Variants in RIC8B observed in about 807,000 individuals in gnomAD.
RIC8B encodes chaperone Ric-8B.
In RIC8B, 16 loss-of-function variants were observed where a neutral mutation model predicts 57.5. The observed-to-expected ratio is 0.28, with a 90% CI of 0.19 to 0.42. The LOEUF is 0.42. RIC8B is among the 10% of genes least tolerant of loss of function. The pLI is 1.00. For synonymous variants in RIC8B, 216 were observed against 250.8 expected (o/e 0.86, Z 1.31); for missense variants, 481 against 677.0 (o/e 0.71, Z 3.21).
intron 1 of RIC8B, among the ~76,000 whole-genome samples, chr12:106,775,978 C>T (rs2043458269): frequency 6.6e-6 from 1 of 152,164 alleles, no homozygotes; most frequent in Non-Finnish European, 1.5e-5. Flanking sequence ...ATCTTTTCCA[C>T]CCGGGGCAGA....
chr12:106,857,537 C>T (rs1026274867), intron 7 of RIC8B, among the ~76,000 whole-genome samples: 8 of 152,094 alleles, frequency 5.3e-5, no homozygotes, highest in South Asian at 4.2e-4. Context: ...AAATATTTCT[C>T]GCAACTTTTT....
At chr12:106,786,141 ATTTTTTTTT>A (rs893618675) in intron 2 of RIC8B, among the ~76,000 whole-genome samples, 5 of 73,886 alleles carry the variant, frequency 6.8e-5, no homozygotes, top group East Asian at 7.0e-4. Flanking sequence ...CCCAAGGTGT[ATTTTTTTTT>A]TTTTTTTTTT....
chr12:106,826,879 GC>G (rs1353612251), intron 4 of RIC8B, among the ~76,000 whole-genome samples: 1 of 152,108 alleles, frequency 6.6e-6, no homozygotes, highest in Non-Finnish European at 1.5e-5. Context: ...CTTGAGTTGA[GC>G]CTGGGCAACA....
chr12:106,790,206 C>T (rs556199596), intron 2 of RIC8B, among the ~76,000 whole-genome samples: 187 of 152,288 alleles, frequency 1.2e-3, no homozygotes, highest in African/African-American at 4.3e-3. Flanking sequence ...GCAGCTCCTT[C>T]ACTGCTCACT....
At chr12:106,830,756 C>T (rs2046320036) in intron 4 of RIC8B, among the ~76,000 whole-genome samples, 1 of 152,160 alleles carries the variant, frequency 6.6e-6, no homozygotes, top group Admixed American at 6.5e-5. Context: ...GACCCTCCCT[C>T]CCCCTCATGC....
intron 2 of RIC8B, among the ~76,000 whole-genome samples, chr12:106,791,604 T>C (rs1566041471): frequency 6.6e-6 from 1 of 152,186 alleles, no homozygotes; most frequent in Non-Finnish European, 1.5e-5. Flanking sequence ...TTTCTTTTTT[T>C]CCCCCAGACA....
intron 1 of RIC8B, among the ~76,000 whole-genome samples, chr12:106,783,258 C>T (rs1024384235): frequency 3.3e-5 from 5 of 152,026 alleles, no homozygotes; most frequent in African/African-American, 1.2e-4. Context: ...ATATACATGC[C>T]TTAGCTTTTT....
intron 2 of RIC8B, among the ~76,000 whole-genome samples, chr12:106,785,024 A>C (rs2043941630): frequency 6.6e-6 from 1 of 152,202 alleles, no homozygotes; most frequent in Non-Finnish European, 1.5e-5. Context: ...TAAATCCAAA[A>C]TAACAATCTG....
rs150337597 is a variant in RIC8B at position 106,798,494 on chromosome 12, T to A, written c.132+14450T>A. Among the ~76,000 whole-genome samples the A allele has an allele frequency of 9.9e-3, 1,508 of 152,306 alleles. 23 individuals are homozygous for A. Among genetic ancestry groups the A allele is most frequent in the Non-Finnish European group, 0.013 (855 of 68,028 alleles). On this transcript the variant is annotated intron_variant, in intron 2 of 9. Transcript: ENST00000392837. ...GCCTATCCTCAGATAGCTCACAGTG[T>A]AATAAGGGACCCACAGTGTCTTCCA... is the stretch of plus-strand genomic sequence containing the variant.
intron 1 of RIC8B, among the ~76,000 whole-genome samples, chr12:106,782,047 T>TA (rs1236176662): frequency 6.6e-6 from 1 of 151,998 alleles, no homozygotes; most frequent in Non-Finnish European, 1.5e-5. Flanking sequence ...ATTATCTATT[T>TA]AAAAAAAATT....
chr12:106,805,232 C>T (rs773983970), intron 2 of RIC8B, among the ~76,000 whole-genome samples: 6 of 152,112 alleles, frequency 3.9e-5, no homozygotes, highest in African/African-American at 9.7e-5. Context: ...TAAAAGATAC[C>T]ACCAACAACC....
intron 8 of RIC8B, among the ~76,000 whole-genome samples, chr12:106,865,210 T>C (rs1301209803): frequency 6.6e-6 from 1 of 152,206 alleles, no homozygotes; most frequent in Non-Finnish European, 1.5e-5. Context: ...TGCACCATTT[T>C]ATATTCCCAC....
chr12:106,799,781 G>A (rs1212385487), intron 2 of RIC8B, among the ~76,000 whole-genome samples: 1 of 152,136 alleles, frequency 6.6e-6, no homozygotes, highest in Non-Finnish European at 1.5e-5. Context: ...GTGTTCTTAT[G>A]CCTTTGAAGA....
chr12:106,873,066 A>G (rs1413858196), intron 9 of RIC8B: 1 of 985,322 alleles, frequency 1.0e-6, no homozygotes, highest in Non-Finnish European at 1.2e-6. Context: ...GCCAACAAAT[A>G]AATATACAAA....
chr12:106,783,863 A>G, intron 1 of RIC8B, 134 bp from the exon 2 acceptor site: 1 of 694,028 alleles, frequency 1.4e-6, no homozygotes, highest in Non-Finnish European at 2.5e-6. Flanking sequence ...TGTCTCCCTT[A>G]CTTTAATAAG....
chr12:106,821,703 T>C (rs1472098736), intron 3 of RIC8B, among the ~76,000 whole-genome samples: 1 of 152,082 alleles, frequency 6.6e-6, no homozygotes. Flanking sequence ...GAGGAGAAGA[T>C]ATGTGCAATG....
chr12:106,857,250 C>A (rs1949749558), intron 7 of RIC8B, among the ~76,000 whole-genome samples: 1 of 152,058 alleles, frequency 6.6e-6, no homozygotes, highest in Non-Finnish European at 1.5e-5. Flanking sequence ...CAAGACGAAG[C>A]CACTAGTTGA....
At chr12:106,833,950 C>T (rs144393310) in intron 4 of RIC8B, among the ~76,000 whole-genome samples, 1,557 of 152,248 alleles carry the variant, frequency 0.01, 15 homozygotes, top group Non-Finnish European at 0.012. Flanking sequence ...TTCTTGCTGC[C>T]GCTCTTGCTG....
chr12:106,818,107 G>T (rs1029872750), intron 3 of RIC8B, among the ~76,000 whole-genome samples: 1 of 151,794 alleles, frequency 6.6e-6, no homozygotes, highest in African/African-American at 2.4e-5. Flanking sequence ...CAAGGAAAAA[G>T]GCATATAAGC....
Sources: gnomAD v4.1 joint callset for allele counts (sites outside exome capture counted in the v4.1 genomes callset) on GRCh38, gnomAD v4.1.1 for gene constraint, MANE v1.5 for transcripts, NCBI Gene and HGNC (gene_info 2026-07-23, HGNC 2026-07-21) for gene names.